VPS37A: variants seen among roughly 807,000 people sequenced by gnomAD.
VPS37A encodes vacuolar protein sorting-associated protein 37A.
Under a neutral mutation model 49.8 loss-of-function variants are expected in VPS37A, and 30 were observed. The observed-to-expected ratio is 0.60, with a 90% CI of 0.45 to 0.82. The LOEUF (loss-of-function observed/expected upper bound fraction) is 0.82, where lower values mean the gene tolerates loss of function less well. Ranked by LOEUF, VPS37A falls within the 40% of genes least tolerant of loss-of-function variation. The probability of loss-of-function intolerance (pLI) is 0.00; values close to 1 mark genes in which losing one functional copy is unlikely to be tolerated. For missense variants in VPS37A, 593 were observed against 464.4 expected (o/e 1.28, Z -2.55); for synonymous variants, 195 against 160.6 (o/e 1.21, Z -1.62).
chr8:17,281,661 G>T (rs1431277169), intron 9 of VPS37A, among the ~76,000 whole-genome samples: 1 of 151,784 alleles, frequency 6.6e-6, no homozygotes, highest in Non-Finnish European at 1.5e-5. Context: ...AAAAAAAGTG[G>T]TATAACATAA....
chr8:17,279,079 C>G (rs946328556), intron 6 of VPS37A, among the ~76,000 whole-genome samples: 2 of 152,080 alleles, frequency 1.3e-5, no homozygotes, highest in African/African-American at 4.8e-5. Context: ...TACATAAACA[C>G]ACATAAACAT....
downstream of VPS37A, chr8:17,299,017 A>G (rs1019537380): frequency 9.8e-5 from 15 of 152,330 alleles, no homozygotes; most frequent in African/African-American, 3.6e-4. Context: ...TACTAACTTT[A>G]TAATGTGATA....
chr8:17,254,203 T>G (rs930445816), intron 1 of VPS37A, among the ~76,000 whole-genome samples: 2 of 152,196 alleles, frequency 1.3e-5, no homozygotes, highest in African/African-American at 4.8e-5. Flanking sequence ...TGCCATAGTC[T>G]GCTTCTGGTG....
intron 4 of VPS37A, among the ~76,000 whole-genome samples, chr8:17,270,988 C>A (rs544128758): frequency 6.6e-6 from 1 of 152,246 alleles, no homozygotes; most frequent in South Asian, 2.1e-4. Flanking sequence ...GAACAAGCCT[C>A]GGGTAACCAC....
At chr8:17,329,298 A>G in the VPS37A span, among the ~76,000 whole-genome samples, 1 of 152,226 alleles carries the variant, frequency 6.6e-6, no homozygotes, top group South Asian at 2.1e-4. Flanking sequence ...TTTACTCGGT[A>G]AAAACAGATA....
chr8:17,275,363 A>G (rs1814422665), intron 5 of VPS37A, among the ~76,000 whole-genome samples: 1 of 152,238 alleles, frequency 6.6e-6, no homozygotes. Flanking sequence ...GCTTGAGGCC[A>G]GATTTTGAAA....
intron 10 of VPS37A, among the ~76,000 whole-genome samples, chr8:17,285,075 A>G (rs1311255477): frequency 1.3e-5 from 2 of 152,032 alleles, no homozygotes; most frequent in African/African-American, 2.4e-5. Context: ...TTTTGACAGC[A>G]TAGTATCAAA....
intron 1 of VPS37A, among the ~76,000 whole-genome samples, chr8:17,256,616 C>G (rs903671876): frequency 2.1e-5 from 3 of 146,058 alleles, no homozygotes; most frequent in African/African-American, 7.8e-5. Flanking sequence ...TTGATTGTTC[C>G]TTCGCTGTGT....
chr8:17,313,359 C>T, the VPS37A span: 2 of 1,612,924 alleles, frequency 1.2e-6, no homozygotes, highest in South Asian at 1.1e-5. Context: ...GTTCTCCAGA[C>T]CCCACAGGAA....
At position 17,272,146 on chromosome 8, in the gene VPS37A, A is replaced by G. The variant is rs143863549; in HGVS notation, c.417-2587A>G. 5.6e-3 allele frequency: 2,561 copies of G among 453,704 alleles called. 59 individuals carry two copies. Among genetic ancestry groups the G allele is most frequent in the African/African-American group, 0.048 (2,400 of 50,146 alleles). 28.1% of individuals were successfully genotyped at this position (453,704 alleles called of 1,614,324 possible). A position where few individuals can be genotyped will look rare whatever the true frequency, so the allele number is the denominator to read the frequency against. ...ATAAAAAGTTCTCCTTCCGGTGACCATCTGCTCAAAGGCCCACCAGGCTCC... is the reference window on the plus strand; with the variant it reads ...ATAAAAAGTTCTCCTTCCGGTGACCGTCTGCTCAAAGGCCCACCAGGCTCC... On this transcript the variant is annotated intron_variant, in intron 4 of 11. Transcript: ENST00000324849.
rs1816712355 is a variant in VPS37A at position 17,297,063 on chromosome 8, A to ATAT, written c.*2079_*2081dup. 1 of 152,170 alleles carries ATAT rather than the reference A, an allele frequency of 6.6e-6. No homozygotes were observed. Among genetic ancestry groups the ATAT allele is most frequent in the African/African-American group, 2.4e-5 (1 of 41,452 alleles). The allele number at this position is 152,170 out of a possible 1,614,324, so 9.4% of individuals were successfully genotyped here. ...CCATTTTTTCTAATTTTATGGCTAT[A>ATAT]TATTTTCTTCATAAAAATTGGTCAC... On this transcript the variant is annotated 3_prime_UTR_variant, in exon 12 of 12. Transcript: ENST00000324849.
At chr8:17,332,562 G>A in the VPS37A span, among the ~76,000 whole-genome samples, 120 of 152,304 alleles carry the variant, frequency 7.9e-4, 1 homozygote, top group African/African-American at 2.8e-3. Flanking sequence ...CCCATTGGAA[G>A]TTGAAAATGC....
intron 1 of VPS37A, among the ~76,000 whole-genome samples, chr8:17,265,152 G>C (rs1471640876): frequency 6.6e-6 from 1 of 152,148 alleles, no homozygotes; most frequent in Non-Finnish European, 1.5e-5. Flanking sequence ...TCAATTCTCA[G>C]AGTCACTCAT....
chr8:17,327,089 A>G, the VPS37A span, among the ~76,000 whole-genome samples: 5 of 152,218 alleles, frequency 3.3e-5, no homozygotes, highest in African/African-American at 1.2e-4. Context: ...TTTTGCTTAC[A>G]TTATACATAT....
intron 1 of VPS37A, chr8:17,248,009 T>C: frequency 1.9e-6 from 1 of 524,324 alleles, no homozygotes; most frequent in South Asian, 2.1e-5. Flanking sequence ...TCATCTTGAT[T>C]GTTCTGTTGT....
chr8:17,298,194 T>G (rs1370822511), downstream of VPS37A: 1 of 152,088 alleles, frequency 6.6e-6, no homozygotes, highest in Non-Finnish European at 1.5e-5. Flanking sequence ...GTGAAAGCCA[T>G]TACCACTATA....
Position 17,296,139 on chromosome 8 carries a change from C to CT in VPS37A, c.*1154dup, listed in dbSNP as rs774085523. The CT allele has an allele frequency of 1.3e-5, 2 of 152,166 alleles. No homozygotes were observed. The highest frequency in any genetic ancestry group is 2.9e-5 in the Non-Finnish European group (2 of 68,012). 9.4% of individuals were successfully genotyped at this position (152,166 alleles called of 1,614,324 possible). ...AACACCAGCATATAGTATAGATTGT[C>CT]TGTCTTTTTTATATTTTTTAGTTCT... is the stretch of plus-strand genomic sequence containing the variant. On this transcript the variant is annotated 3_prime_UTR_variant, in exon 12 of 12. Transcript: ENST00000324849.
At chr8:17,260,798 C>G (rs922808154) in intron 1 of VPS37A, among the ~76,000 whole-genome samples, 2 of 152,160 alleles carry the variant, frequency 1.3e-5, no homozygotes, top group Non-Finnish European at 2.9e-5. Context: ...TGTTGTTCCA[C>G]TCCCTTCTGG....
intron 1 of VPS37A, among the ~76,000 whole-genome samples, chr8:17,265,485 CTT>C (rs1401321743): frequency 2.0e-5 from 3 of 152,158 alleles, no homozygotes; most frequent in Non-Finnish European, 2.9e-5. Flanking sequence ...CTCATCTAGA[CTT>C]TTAAGTTCAA....
Sources: allele counts gnomAD v4.1 joint callset (sites outside exome capture counted in the v4.1 genomes callset), GRCh38; gene constraint gnomAD v4.1.1; transcripts MANE v1.5; gene names NCBI Gene and HGNC (gene_info 2026-07-23, HGNC 2026-07-21).